The following ZC4H2 variants were observed in gnomAD, a reference collection of about 807,000 sequenced individuals.
ZC4H2 encodes the protein zinc finger C4H2-type containing.
For missense variants in ZC4H2, 137 were observed against 173.9 expected, an observed-to-expected ratio of 0.79 and a Z score of 1.19; for synonymous variants, 84 against 66.3, an observed-to-expected ratio of 1.27 and a Z score of -1.30.
intron 1 of ZC4H2, among the ~76,000 whole-genome samples, chrX:64,955,274 C>A (rs182660446): frequency 9.0e-6 from 1 of 111,639 alleles, no homozygotes; most frequent in African/African-American, 3.2e-5. Flanking sequence ...ATTTTCAATG[C>A]ATGTTTTCTG....
chrX:64,971,729 T>C lies in ZC4H2; in HGVS notation c.53+4596A>G, dbSNP rs753955144. On this transcript the variant is annotated intron_variant, in intron 1 of 4. Transcript: ENST00000374839. ...ATTTGGAGGATAATATTTGAAGCCA[T>C]GGAAGTACAGGAATTTACTCAAAAG... is the stretch of plus-strand genomic sequence containing the variant. Among the ~76,000 whole-genome samples the C allele has an allele frequency of 1.4e-4, 16 of 111,146 alleles. No homozygotes were observed. In the East Asian group the frequency reaches 4.2e-3, roughly 29 times the overall value.
intron 1 of ZC4H2, among the ~76,000 whole-genome samples, chrX:64,934,781 T>A: frequency 8.9e-6 from 1 of 111,828 alleles, no homozygotes; most frequent in Middle Eastern, 4.6e-3. Context: ...CATTAGGGAC[T>A]GCATTGTGCA....
chrX:64,927,618 A>G (rs1013151911), intron 1 of ZC4H2, among the ~76,000 whole-genome samples: 2 of 112,230 alleles, frequency 1.8e-5, no homozygotes, highest in Non-Finnish European at 3.8e-5. Flanking sequence ...TTATAGTACA[A>G]TGATTTATAA....
chrX:65,019,753 T>C (rs1251918322), intron 1 of ZC4H2, among the ~76,000 whole-genome samples: 1 of 112,032 alleles, frequency 8.9e-6, no homozygotes, highest in African/African-American at 3.2e-5. Context: ...TAAAGGAGCA[T>C]GTTCTAACCC....
At chrX:64,992,344 T>A (rs1391426356) in intron 1 of ZC4H2, among the ~76,000 whole-genome samples, 1 of 111,564 alleles carries the variant, frequency 9.0e-6, no homozygotes, top group Non-Finnish European at 1.9e-5. Context: ...CCTCAATCTA[T>A]GTCAGCTACA....
chrX:64,917,525 A>C lies in ZC4H2; in HGVS notation c.*258T>G. The C allele has an allele frequency of 3.1e-6, 1 of 321,273 alleles. No homozygotes were observed. Among genetic ancestry groups the C allele is most frequent in the Non-Finnish European group, 5.4e-6 (1 of 185,983 alleles). The allele number at this position is 321,273 out of a possible 1,213,427, so 26.5% of individuals were successfully genotyped here. On this transcript the variant is annotated 3_prime_UTR_variant, in exon 5 of 5. Coordinates refer to ENST00000374839, the MANE Select transcript of ZC4H2 (RefSeq NM_018684.4). ...TTTGCCCTTCCCTTAGCTCCAAACA[A>C]GGGCAGGGGTTGAAATGTGAGTGGG...
rs373732642 is a variant in ZC4H2 at position 64,991,051 on chromosome X, T to C, written c.-272+43578A>G. On this transcript the variant is annotated intron_variant, in intron 1 of 4. Coordinates refer to the ZC4H2 transcript ENST00000337990. ...TATTCAATGTAGGCTTAACAACTCA[T>C]TGGATGTGGGACCTTGGACAAGGCA... 3.6e-5 allele frequency among the ~76,000 whole-genome samples: 4 copies of C among 112,041 alleles called. No individual in the cohort carries two copies. In the East Asian group the frequency reaches 8.4e-4, roughly 24 times the overall value.
intron 1 of ZC4H2, among the ~76,000 whole-genome samples, chrX:65,022,035 T>C (rs771045365): frequency 1.8e-5 from 2 of 111,586 alleles, no homozygotes; most frequent in African/African-American, 6.5e-5. Flanking sequence ...CAGGAAATAA[T>C]AGCCTAGCAA....
At chrX:64,924,760 C>T (rs1357996195) in intron 1 of ZC4H2, among the ~76,000 whole-genome samples, 3 of 110,761 alleles carry the variant, frequency 2.7e-5, no homozygotes, top group African/African-American at 9.9e-5. Context: ...GAATATGGCA[C>T]ATTAAAGGAA....
At chrX:65,033,988 C>T (rs1439860801) in intron 1 of ZC4H2, among the ~76,000 whole-genome samples, 1 of 107,967 alleles carries the variant, frequency 9.3e-6, no homozygotes, top group Admixed American at 1.0e-4. Flanking sequence ...ACTTGGGAGG[C>T]TGAAGCAGGA....
intron 1 of ZC4H2, among the ~76,000 whole-genome samples, chrX:64,966,815 A>T (rs952836214): frequency 1.8e-5 from 2 of 112,172 alleles, no homozygotes; most frequent in African/African-American, 3.2e-5. Context: ...AGATCAACTG[A>T]AACTGAACAA....
At chrX:64,964,168 G>A (rs780653907) in intron 1 of ZC4H2, among the ~76,000 whole-genome samples, 1 of 110,213 alleles carries the variant, frequency 9.1e-6, no homozygotes, top group African/African-American at 3.3e-5. Context: ...AATTTGTTGA[G>A]GGTAGATCTC....
intron 3 of ZC4H2, 164 bp downstream of exon 3, chrX:64,919,917 C>T (rs762201759): frequency 2.3e-6 from 1 of 442,744 alleles, no homozygotes; most frequent in Non-Finnish European, 3.6e-6. Flanking sequence ...TGCCCAAGAT[C>T]ACACAGTGAG....
At chrX:65,031,760 T>C (rs1453773388) in intron 1 of ZC4H2, among the ~76,000 whole-genome samples, 3 of 111,578 alleles carry the variant, frequency 2.7e-5, no homozygotes, top group Non-Finnish European at 5.7e-5. Context: ...TAAAGACATG[T>C]CTTCAAAGTT....
At chrX:64,997,827 A>C (rs916130644) in intron 1 of ZC4H2, among the ~76,000 whole-genome samples, 5 of 111,690 alleles carry the variant, frequency 4.5e-5, no homozygotes, top group Non-Finnish European at 9.4e-5. Context: ...CATATTGCTC[A>C]GGTTAGTCTC....
chrX:64,951,991 A>T (rs1194067435), intron 1 of ZC4H2, among the ~76,000 whole-genome samples: 1 of 111,346 alleles, frequency 9.0e-6, no homozygotes, highest in Non-Finnish European at 1.9e-5. Context: ...GGTATAAGGA[A>T]GGGATCCAGT....
chrX:64,956,938 T>C (rs987416100), intron 1 of ZC4H2, among the ~76,000 whole-genome samples: 1 of 112,301 alleles, frequency 8.9e-6, no homozygotes, highest in African/African-American at 3.2e-5. Flanking sequence ...CATCAATGAC[T>C]AAAGTTTTGG....
intron 1 of ZC4H2, among the ~76,000 whole-genome samples, chrX:65,025,433 C>T (rs1028298873): frequency 9.0e-6 from 1 of 111,072 alleles, no homozygotes; most frequent in African/African-American, 3.3e-5. Context: ...TGCTTTCCTT[C>T]AGATTTTGAA....
intron 1 of ZC4H2, among the ~76,000 whole-genome samples, chrX:64,970,894 G>C (rs756667212): frequency 9.0e-6 from 1 of 111,686 alleles, no homozygotes; most frequent in Non-Finnish European, 1.9e-5. Flanking sequence ...ACAGATTTCC[G>C]GGGAGGCAGC....
Sources: allele counts gnomAD v4.1 joint callset (sites outside exome capture counted in the v4.1 genomes callset), GRCh38; gene constraint gnomAD v4.1.1; transcripts MANE v1.5; gene names NCBI Gene and HGNC (gene_info 2026-07-23, HGNC 2026-07-21).